The following CRMP1 variants were observed in gnomAD, a reference collection of about 807,000 sequenced individuals.
CRMP1 encodes the protein dihydropyrimidinase-related protein 1.
In CRMP1, 19 loss-of-function variants were observed where a neutral mutation model predicts 68.3. The ratio of observed to expected loss-of-function variants is 0.28; its 90% CI spans 0.19 to 0.41. CRMP1 has a LOEUF of 0.41. Among genes scored for constraint, CRMP1 ranks in the 10% least tolerant of loss-of-function variants. The probability of loss-of-function intolerance (pLI) is 1.00; values close to 1 mark genes in which losing one functional copy is unlikely to be tolerated. For missense variants in CRMP1, 791 were observed against 967.4 expected, an observed-to-expected ratio of 0.82 and a Z score of 2.42; for synonymous variants, 439 against 399.6, an observed-to-expected ratio of 1.10 and a Z score of -1.18.
In CRMP1 at chr4:5,887,572, C is replaced by G. The variant is rs1466653476; in HGVS notation, c.381+5017G>C. The G allele has an allele frequency of 6.1e-6, 6 of 985,350 alleles. No homozygotes were observed. In the East Asian group the frequency reaches 6.8e-4, roughly 112 times the overall value. The allele number at this position is 985,350 out of a possible 1,614,324, so 61.0% of individuals were successfully genotyped here. On this transcript the variant is annotated intron_variant, in intron 1 of 13. Transcript: ENST00000324989. ...CAGGGACGCAGCCCGGCTGTTCTGC[C>G]TCCACCACCGTCCCCACCCTCTCGC... is the stretch of plus-strand genomic sequence containing the variant.
chr4:5,873,259 C>T (rs1714587391), intron 1 of CRMP1, among the ~76,000 whole-genome samples: 2 of 152,166 alleles, frequency 1.3e-5, no homozygotes, highest in Non-Finnish European at 2.9e-5. Flanking sequence ...AGCATTCCCT[C>T]TAAGCTTAGA....
chr4:5,852,978 G>A (rs1250662061), intron 4 of CRMP1, among the ~76,000 whole-genome samples: 2 of 152,120 alleles, frequency 1.3e-5, no homozygotes, highest in Admixed American at 6.6e-5. Context: ...AAACGGAGGT[G>A]CAGGGGGCTG....
chr4:5,835,834 T>TA, intron 11 of CRMP1, 81 bp downstream of exon 11: 1 of 1,334,284 alleles, frequency 7.5e-7, no homozygotes, highest in Non-Finnish European at 9.7e-7. Context: ...GGAAAATTCA[T>TA]AAATCATTTT....
At chr4:5,862,336 C>T (rs867402296) in intron 2 of CRMP1, among the ~76,000 whole-genome samples, 73 of 148,098 alleles carry the variant, frequency 4.9e-4, no homozygotes, top group African/African-American at 1.8e-3. Context: ...TGTCCACCGC[C>T]GCTGCTTATA....
chr4:5,882,059 A>C (rs1715256303), intron 1 of CRMP1, among the ~76,000 whole-genome samples: 1 of 152,158 alleles, frequency 6.6e-6, no homozygotes, highest in Non-Finnish European at 1.5e-5. Context: ...TGACCACCTC[A>C]TTATCAGCTT....
At chr4:5,885,779 C>T (rs1253596176) in intron 1 of CRMP1, among the ~76,000 whole-genome samples, 2 of 152,202 alleles carry the variant, frequency 1.3e-5, no homozygotes, top group Non-Finnish European at 2.9e-5. Context: ...CCAGGGCAAA[C>T]CCATTCATCT....
At chr4:5,868,290 T>TATATATATATATATATAGATATATATAG (rs1205965019) in intron 1 of CRMP1, among the ~76,000 whole-genome samples, 1 of 131,396 alleles carries the variant, frequency 7.6e-6, no homozygotes, top group Admixed American at 7.3e-5. Flanking sequence ...TATATATATA[T>TATATATATATATATATAGATATATATAG]ATATATATAT....
chr4:5,825,460 A>C lies in CRMP1; in HGVS notation c.1969+34T>G. On this transcript the variant is annotated intron_variant, in intron 13 of 13. Coordinates refer to ENST00000324989, the MANE Select transcript of CRMP1 (RefSeq NM_001014809.3). This position sits in a 1 kb window ranked among gnomAD's most constrained non-coding sequence, Gnocchi z 4.4. Reference sequence around the variant, plus strand: ...GAAGGACTCGGCCTGAACTGCTGCAATTGTGGGGAGCCTGGGCCACCACTC... The same window carrying C: ...GAAGGACTCGGCCTGAACTGCTGCACTTGTGGGGAGCCTGGGCCACCACTC... 6.5e-7 allele frequency: 1 copy of C among 1,538,274 alleles called. No homozygotes were observed. Among genetic ancestry groups the C allele is most frequent in the Non-Finnish European group, 8.7e-7 (1 of 1,150,644 alleles).
chr4:5,828,935 C>T (rs1241109454), intron 11 of CRMP1, among the ~76,000 whole-genome samples: 1 of 144,918 alleles, frequency 6.9e-6, no homozygotes, highest in Non-Finnish European at 1.5e-5. Flanking sequence ...GAAGGGGGTC[C>T]CCCGGGGTTA....
chr4:5,833,689 T>G (rs1215689989), intron 11 of CRMP1, among the ~76,000 whole-genome samples: 1 of 152,186 alleles, frequency 6.6e-6, no homozygotes, highest in Non-Finnish European at 1.5e-5. Context: ...GGCTGGATTG[T>G]GATGATAATC....
intron 13 of CRMP1, among the ~76,000 whole-genome samples, chr4:5,822,834 CGTAA>C (rs1234985804): frequency 6.6e-6 from 1 of 152,198 alleles, no homozygotes; most frequent in Non-Finnish European, 1.5e-5. Flanking sequence ...AACAGAAAAA[CGTAA>C]GTAAGTTAGC....
rs911411291 is a variant in CRMP1 at position 5,834,419 on chromosome 4, A to G, written c.1623+1496T>C. On this transcript the variant is annotated intron_variant, in intron 11 of 13. Transcript: ENST00000324989. The surrounding 1 kb of genome is among the most constrained non-coding windows in gnomAD (Gnocchi z 4.3). ...TAAAAGCAAATTCAGCGTCCTCTTG[A>G]TACTTCTTTCACACTTGTCCTGTCT... Among the ~76,000 whole-genome samples, 1 of 152,178 alleles carries G rather than the reference A, an allele frequency of 6.6e-6. No homozygotes were observed. The highest frequency in any genetic ancestry group is 1.5e-5 in the Non-Finnish European group (1 of 68,030).
rs1308689663 is a variant in CRMP1 at position 5,821,443 on chromosome 4, A to C, written c.*317T>G. ...CAAAGGAACCACCACTCAGAGAATC[A>C]TGGAGCCAGTGGAGTTAGAAGTGGA... On this transcript the variant is annotated 3_prime_UTR_variant, in exon 14 of 14. Coordinates refer to ENST00000324989, the MANE Select transcript of CRMP1 (RefSeq NM_001014809.3). The surrounding 1 kb of genome is among the most constrained non-coding windows in gnomAD (Gnocchi z 4.4). 1 of 363,840 alleles carries C rather than the reference A, an allele frequency of 2.7e-6. No individual in the cohort carries two copies. Among genetic ancestry groups the C allele is most frequent in the Non-Finnish European group, 5.1e-6 (1 of 196,604 alleles). 22.5% of individuals were successfully genotyped at this position (363,840 alleles called of 1,614,324 possible).
chr4:5,829,907 T>A (rs914073841), intron 11 of CRMP1, among the ~76,000 whole-genome samples: 2 of 152,084 alleles, frequency 1.3e-5, no homozygotes, highest in Non-Finnish European at 2.9e-5. Flanking sequence ...GGCCAAAGAG[T>A]AAATGGATTT....
Position 5,841,253 on chromosome 4 carries a change from G to A in CRMP1, c.1153+55C>T. 1 of 1,613,096 alleles carries A rather than the reference G, an allele frequency of 6.2e-7. No individual in the cohort carries two copies. Among genetic ancestry groups the A allele is most frequent in the South Asian group, 1.1e-5 (1 of 90,998 alleles). On this transcript the variant is annotated intron_variant, in intron 8 of 13. Coordinates refer to ENST00000324989, the MANE Select transcript of CRMP1 (RefSeq NM_001014809.3). The surrounding 1 kb of genome is among the most constrained non-coding windows in gnomAD (Gnocchi z 6.9). ...GGAGGGAGTGAACTTGAACCTGCAGGACACCCCCTTCCAGGCCCCAGCTGC... is the reference window on the plus strand; with the variant it reads ...GGAGGGAGTGAACTTGAACCTGCAGAACACCCCCTTCCAGGCCCCAGCTGC...
At chr4:5,857,039 A>G (rs536043454) in intron 3 of CRMP1, among the ~76,000 whole-genome samples, 28 of 51,568 alleles carry the variant, frequency 5.4e-4, no homozygotes, top group African/African-American at 2.0e-3. Context: ...ACCACCATCC[A>G]CTATTATCAC....
At chr4:5,822,964 T>C (rs1323590333) in intron 13 of CRMP1, among the ~76,000 whole-genome samples, 1 of 152,216 alleles carries the variant, frequency 6.6e-6, no homozygotes. Flanking sequence ...GCTCCTTTCT[T>C]GCTGACCTAC....
chr4:5,825,990 A>AT lies in CRMP1; in HGVS notation c.1804-332_1804-331insA. On this transcript the variant is annotated intron_variant, in intron 12 of 13. Transcript: ENST00000324989. The surrounding 1 kb of genome is among the most constrained non-coding windows in gnomAD (Gnocchi z 4.4). Reference sequence around the variant, plus strand: ...CAGTAACAAAACAGGCCTACACAGTAGCATACACGCGTGAACACGCACACA... The same window carrying AT: ...CAGTAACAAAACAGGCCTACACAGTATGCATACACGCGTGAACACGCACACA... 16 of 381,814 alleles carry AT rather than the reference A, an allele frequency of 4.2e-5. No homozygotes were observed. The highest frequency in any genetic ancestry group is 6.6e-5 in the Non-Finnish European group (14 of 211,988). The allele number at this position is 381,814 out of a possible 1,614,324, so 23.7% of individuals were successfully genotyped here. A position where few individuals can be genotyped will look rare whatever the true frequency, so the allele number is the denominator to read the frequency against.
intron 13 of CRMP1, among the ~76,000 whole-genome samples, chr4:5,822,363 C>T (rs965121563): frequency 6.6e-6 from 1 of 152,158 alleles, no homozygotes; most frequent in Admixed American, 6.5e-5. Context: ...GGCACACTGT[C>T]CCACACTCCA....
Sources: gnomAD v4.1 joint callset for allele counts (sites outside exome capture counted in the v4.1 genomes callset) on GRCh38, gnomAD v4.1.1 for gene constraint, Gnocchi (gnomAD v3.1) non-coding constraint, MANE v1.5 for transcripts, NCBI Gene and HGNC (gene_info 2026-07-23, HGNC 2026-07-21) for gene names.